The following SLC39A8 variants were observed in gnomAD, a reference collection of about 807,000 sequenced individuals.
SLC39A8 encodes the protein metal cation symporter ZIP8.
SLC39A8 carries 15 observed loss-of-function variants against 40.4 expected under a neutral mutation model. The observed-to-expected ratio is 0.37, with a 90% CI of 0.25 to 0.57. The LOEUF is 0.57. SLC39A8 is among the 20% of genes least tolerant of loss of function. The pLI, the probability that SLC39A8 is intolerant of heterozygous loss-of-function variation, is 0.75. For synonymous variants in SLC39A8, 223 were observed against 221.6 expected, an observed-to-expected ratio of 1.01 and a Z score of -0.06; for missense variants, 472 against 558.8, an observed-to-expected ratio of 0.84 and a Z score of 1.57.
chr4:102,282,546 T>C (rs1413083346), intron 6 of SLC39A8, among the ~76,000 whole-genome samples: 1 of 152,200 alleles, frequency 6.6e-6, no homozygotes, highest in Non-Finnish European at 1.5e-5. Context: ...CAGGACAAGA[T>C]GTTTTTTTCC....
intron 2 of SLC39A8, among the ~76,000 whole-genome samples, chr4:102,316,200 A>C (rs1734649992): frequency 6.6e-6 from 1 of 152,116 alleles, no homozygotes; most frequent in Non-Finnish European, 1.5e-5. Context: ...ACTTTTCTTC[A>C]GTTTGAATGG....
chr4:102,338,287 C>T (rs1271571464), intron 2 of SLC39A8, among the ~76,000 whole-genome samples: 14 of 151,260 alleles, frequency 9.3e-5, no homozygotes, highest in Non-Finnish European at 1.8e-4. Flanking sequence ...CCCGGGTTCA[C>T]GCCATTCTCC....
intron 6 of SLC39A8, among the ~76,000 whole-genome samples, chr4:102,277,745 G>T (rs995915116): frequency 6.6e-6 from 1 of 152,114 alleles, no homozygotes; most frequent in South Asian, 2.1e-4. Context: ...ATCCTACAAG[G>T]CTACAGTAAC....
exon 12 of SLC39A8, chr4:102,253,039 C>T (rs151372): frequency 0.8 from 129,723 of 162,660 alleles, 52,530 homozygotes; most frequent in African/African-American, 0.92. Context: ...CATACTAGAT[C>T]AGGAACCCAC....
At chr4:102,288,179 C>T (rs1025452508) in intron 6 of SLC39A8, among the ~76,000 whole-genome samples, 3 of 152,124 alleles carry the variant, frequency 2.0e-5, no homozygotes, top group African/African-American at 7.2e-5. Flanking sequence ...TTTCATGCCT[C>T]TGTGCCACAT....
Position 102,344,428 on chromosome 4 carries a change from G to A in SLC39A8, c.219+16C>T, listed in dbSNP as rs1560575694. 1.3e-6 allele frequency: 2 copies of A among 1,505,292 alleles called. No individual in the cohort carries two copies. The highest frequency in any genetic ancestry group is 2.6e-5 in the East Asian group (1 of 38,148). 93.2% of individuals were successfully genotyped at this position (1,505,292 alleles called of 1,614,324 possible). A position where few individuals can be genotyped will look rare whatever the true frequency, so the allele number is the denominator to read the frequency against. On this transcript the variant is annotated intron_variant, in intron 2 of 8. Transcript: ENST00000356736. ...CACCCACAGTACGGAGGGCTGCCCG[G>A]ACCTGGCGGCCTTACCTGGTTGAAG...
At chr4:102,315,893 G>A (rs973352140) in intron 2 of SLC39A8, 63 bp from the exon 3 acceptor site, 21 of 1,385,482 alleles carry the variant, frequency 1.5e-5, no homozygotes, top group Admixed American at 8.4e-5. Context: ...AAGCAAAGAT[G>A]CTATAAAGAG....
At chr4:102,251,100 T>C (rs1731575986) in exon 12 of SLC39A8, 1 of 152,208 alleles carries the variant, frequency 6.6e-6, no homozygotes, top group Non-Finnish European at 1.5e-5. Flanking sequence ...ATGGGGTACA[T>C]AGTGATGTTA....
chr4:102,332,432 G>T (rs1381676803), intron 2 of SLC39A8, among the ~76,000 whole-genome samples: 3 of 152,188 alleles, frequency 2.0e-5, no homozygotes, highest in African/African-American at 7.2e-5. Flanking sequence ...TCCACTGATT[G>T]TTAGAGAAAT....
chr4:102,313,256 A>T (rs62327956), intron 3 of SLC39A8, among the ~76,000 whole-genome samples: 47,666 of 151,782 alleles, frequency 0.31, 7,775 homozygotes, highest in Middle Eastern at 0.47. Flanking sequence ...ATGACTTTAA[A>T]CTCCCTGTAC....
intron 6 of SLC39A8, among the ~76,000 whole-genome samples, chr4:102,282,615 TGGTG>T (rs1326561834): frequency 1.0e-5 from 1 of 96,694 alleles, no homozygotes; most frequent in East Asian, 2.8e-4. Flanking sequence ...TTTAATTAAA[TGGTG>T]GGGGGGGGTG....
At chr4:102,274,334 G>T (rs1401331449) in intron 6 of SLC39A8, among the ~76,000 whole-genome samples, 2 of 152,130 alleles carry the variant, frequency 1.3e-5, no homozygotes, top group African/African-American at 4.8e-5. Flanking sequence ...AATCTATGAA[G>T]CAGAAGAAAG....
intron 2 of SLC39A8, among the ~76,000 whole-genome samples, chr4:102,329,789 T>C (rs974557070): frequency 1.2e-4 from 19 of 152,038 alleles, no homozygotes; most frequent in Non-Finnish European, 2.8e-4. Flanking sequence ...AGTAAAACAC[T>C]CCTCAGTAAA....
intron 2 of SLC39A8, among the ~76,000 whole-genome samples, chr4:102,318,065 A>G (rs1319827595): frequency 6.6e-6 from 1 of 152,200 alleles, no homozygotes; most frequent in African/African-American, 2.4e-5. Context: ...TGTAAAATGT[A>G]TTTCTTGCTG....
chr4:102,334,640 C>T (rs1735595311), intron 2 of SLC39A8, among the ~76,000 whole-genome samples: 1 of 152,144 alleles, frequency 6.6e-6, no homozygotes, highest in Non-Finnish European at 1.5e-5. Context: ...AAGAAAATGG[C>T]ATTAGTTCTA....
intron 4 of SLC39A8, among the ~76,000 whole-genome samples, chr4:102,306,278 ATATAT>A (rs937855562): frequency 5.3e-5 from 8 of 151,876 alleles, no homozygotes; most frequent in South Asian, 2.1e-4. Flanking sequence ...TAATAAATAC[ATATAT>A]TATATCATAT....
At chr4:102,327,237 G>A (rs1735246524) in intron 2 of SLC39A8, among the ~76,000 whole-genome samples, 1 of 152,112 alleles carries the variant, frequency 6.6e-6, no homozygotes, top group Admixed American at 6.5e-5. Context: ...ATCCAGCCTG[G>A]GTGACACAGT....
At chr4:102,307,886 C>G (rs552146472) in intron 3 of SLC39A8, among the ~76,000 whole-genome samples, 1 of 151,860 alleles carries the variant, frequency 6.6e-6, no homozygotes, top group South Asian at 2.1e-4. Flanking sequence ...ACATCTAGAA[C>G]AGCGAACAGC....
intron 2 of SLC39A8, among the ~76,000 whole-genome samples, chr4:102,320,169 A>C (rs1358048315): frequency 4.1e-5 from 1 of 24,568 alleles, no homozygotes; most frequent in Non-Finnish European, 9.6e-5. Context: ...ATATATATAC[A>C]TATATATATA....
Sources: gnomAD v4.1 joint callset for allele counts (sites outside exome capture counted in the v4.1 genomes callset) on GRCh38, gnomAD v4.1.1 for gene constraint, MANE v1.5 for transcripts, NCBI Gene and HGNC (gene_info 2026-07-23, HGNC 2026-07-21) for gene names.